FAM81B: variants seen among roughly 807,000 people sequenced by gnomAD.
The protein encoded by FAM81B is protein FAM81B.
In FAM81B, 60 loss-of-function variants were observed where a neutral mutation model predicts 58.7. The observed-to-expected ratio is 1.02, with a 90% CI of 0.83 to 1.27. FAM81B has a LOEUF of 1.27. Ranked by LOEUF, FAM81B falls within the 50% of genes most tolerant of loss-of-function variation. The probability of loss-of-function intolerance (pLI) is 0.00; values close to 1 mark genes in which losing one functional copy is unlikely to be tolerated. For synonymous variants in FAM81B, 189 were observed against 179.6 expected, an observed-to-expected ratio of 1.05 and a Z score of -0.42; for missense variants, 491 against 522.0, an observed-to-expected ratio of 0.94 and a Z score of 0.58.
At chr5:95,391,742 A>G (rs1411701281) in intron 1 of FAM81B, among the ~76,000 whole-genome samples, 1 of 152,254 alleles carries the variant, frequency 6.6e-6, no homozygotes, top group Non-Finnish European at 1.5e-5. Flanking sequence ...CAGCCAAAAC[A>G]TACGAGAAAA....
At position 95,396,093 on chromosome 5, in the gene FAM81B, C is replaced by G; in HGVS notation, c.229-18C>G. 6.3e-7 allele frequency: 1 copy of G among 1,590,166 alleles called. No individual in the cohort carries two copies. Among genetic ancestry groups the G allele is most frequent in the African/African-American group, 1.3e-5 (1 of 74,214 alleles). ...AAGAAGCAGATGATATATTCTGAAT[C>G]TGTAACCTTTGTTTTAGGTAAGATT... On this transcript the variant is annotated intron_variant, in intron 2 of 9. Transcript: ENST00000283357.
rs1264914034 is a variant in FAM81B, at chr5:95,448,346, A to G, written c.1107A>G (p.Lys369=). The change falls in exon 9 of 10, where the codon AAA becomes AAG. Residue 369 remains lysine (K), a synonymous_variant. Coordinates refer to ENST00000283357, the MANE Select transcript of FAM81B (RefSeq NM_152548.3). ...TAGAGAATTTCATTAACACACAGAA[A>G]CAGGAAACACAACTAAGTAAAGTAA... The part of the protein sequence containing the change: ...SKVENFINTQ[K]QETQLSKVKH... 2 of 1,612,408 alleles carry G rather than the reference A, an allele frequency of 1.2e-6. No individual in the cohort carries two copies. Among genetic ancestry groups the G allele is most frequent in the Non-Finnish European group, 1.7e-6 (2 of 1,179,614 alleles).
At chr5:95,412,440 G>T (rs1309996515) in intron 3 of FAM81B, among the ~76,000 whole-genome samples, 1 of 152,076 alleles carries the variant, frequency 6.6e-6, no homozygotes, top group Non-Finnish European at 1.5e-5. Flanking sequence ...AACTTTGCTG[G>T]CTTCTTCAGG....
Position 95,411,565 on chromosome 5 carries a change from A to C in FAM81B, c.294-2382A>C, listed in dbSNP as rs572535184. 3.3e-5 allele frequency among the ~76,000 whole-genome samples: 5 copies of C among 152,326 alleles called. No individual in the cohort carries two copies. The East Asian group carries it at 9.6e-4, about 29-fold the overall frequency. ...AATAAGTCAAGATTCAAAATGTATA[A>C]ATGCATAACACTATGGTAATTTTAT... On this transcript the variant is annotated intron_variant, in intron 3 of 9. Coordinates refer to ENST00000283357, the MANE Select transcript of FAM81B (RefSeq NM_152548.3).
rs763715095 is a variant in FAM81B, at chr5:95,407,408, A to ACACG, written c.294-6538_294-6537insACGC. 4.7e-3 allele frequency among the ~76,000 whole-genome samples: 691 copies of ACACG among 147,388 alleles called. 6 individuals carry two copies. Among genetic ancestry groups the ACACG allele is most frequent in the Admixed American group, 0.011 (165 of 14,828 alleles). On this transcript the variant is annotated intron_variant, in intron 3 of 9. Coordinates refer to ENST00000283357, the MANE Select transcript of FAM81B (RefSeq NM_152548.3). ...TTCTCTTTTACACACACACACACAC[A>ACACG]CGCACACACACACGCGTGCGCGCAC... is the stretch of plus-strand genomic sequence containing the variant.
intron 3 of FAM81B, among the ~76,000 whole-genome samples, chr5:95,399,480 G>GA: frequency 6.7e-6 from 1 of 150,018 alleles, no homozygotes; most frequent in East Asian, 2.0e-4. Context: ...TTCTTTTCAT[G>GA]CCCCCCCCCA....
At chr5:95,399,508 A>G (rs1192728195) in intron 3 of FAM81B, among the ~76,000 whole-genome samples, 1 of 151,026 alleles carries the variant, frequency 6.6e-6, no homozygotes, top group Non-Finnish European at 1.5e-5. Flanking sequence ...GTGATGGGCA[A>G]GGCTCTGCTG....
intron 3 of FAM81B, among the ~76,000 whole-genome samples, chr5:95,404,823 A>C (rs1762203923): frequency 6.6e-6 from 1 of 152,200 alleles, no homozygotes; most frequent in Non-Finnish European, 1.5e-5. Flanking sequence ...AACAGAAACA[A>C]GTAAATAAGA....
chr5:95,436,457 G>C (rs1250530610), intron 6 of FAM81B, among the ~76,000 whole-genome samples: 1 of 152,196 alleles, frequency 6.6e-6, no homozygotes, highest in African/African-American at 2.4e-5. Flanking sequence ...GGAGACAATA[G>C]AGAAGTAGAA....
chr5:95,446,522 A>G lies in FAM81B; in HGVS notation c.894-40A>G, dbSNP rs753124088. 6.7e-7 allele frequency: 1 copy of G among 1,495,990 alleles called. No individual in the cohort carries two copies. Among genetic ancestry groups the G allele is most frequent in the African/African-American group, 1.4e-5 (1 of 69,974 alleles). 92.7% of individuals were successfully genotyped at this position (1,495,990 alleles called of 1,614,324 possible). ...TTCAATACTAATTTTTTATGTTTAA[A>G]TTAACTTATTTAAATGAAACAAAAC... On this transcript the variant is annotated intron_variant, in intron 7 of 9. Coordinates refer to ENST00000283357, the MANE Select transcript of FAM81B (RefSeq NM_152548.3).
At chr5:95,415,811 AAGATCCGCCC>A (rs1463712744) in intron 4 of FAM81B, among the ~76,000 whole-genome samples, 1 of 152,220 alleles carries the variant, frequency 6.6e-6, no homozygotes, top group Non-Finnish European at 1.5e-5. Flanking sequence ...ACATTGAGTC[AAGATCCGCCC>A]AGATGTACAC....
intron 3 of FAM81B, among the ~76,000 whole-genome samples, chr5:95,398,534 T>C (rs980213091): frequency 1.3e-5 from 2 of 152,206 alleles, no homozygotes; most frequent in Non-Finnish European, 2.9e-5. Flanking sequence ...TAAGTAAAAG[T>C]CATTATCAAC....
chr5:95,395,711 T>C (rs1275710458), intron 2 of FAM81B, among the ~76,000 whole-genome samples: 1 of 152,188 alleles, frequency 6.6e-6, no homozygotes, highest in Non-Finnish European at 1.5e-5. Flanking sequence ...AGTTTTCTAG[T>C]TCGGGGCTTT....
chr5:95,440,901 A>G (rs1745313473), intron 7 of FAM81B, among the ~76,000 whole-genome samples: 2 of 152,190 alleles, frequency 1.3e-5, no homozygotes, highest in South Asian at 4.1e-4. Flanking sequence ...CACTCGGGAT[A>G]CCTCTGTGGT....
In FAM81B at chr5:95,407,422, G is replaced by A. The variant is rs1200038071; in HGVS notation, c.294-6525G>A. Among the ~76,000 whole-genome samples, 43 of 142,724 alleles carry A rather than the reference G, an allele frequency of 3.0e-4. 1 individual carries two copies. Among genetic ancestry groups the A allele is most frequent in the African/African-American group, 1.0e-3 (40 of 38,440 alleles). 93.6% of individuals were successfully genotyped at this position (142,724 alleles called of 152,430 possible). On this transcript the variant is annotated intron_variant, in intron 3 of 9. Transcript: ENST00000283357. ...CACACACACACACGCACACACACAC[G>A]CGTGCGCGCACACAAACACACACGC...
intron 3 of FAM81B, among the ~76,000 whole-genome samples, chr5:95,397,446 C>T (rs2548656): frequency 0.37 from 55,958 of 152,046 alleles, 10,443 homozygotes; most frequent in Middle Eastern, 0.44. Flanking sequence ...AACTTGTCCC[C>T]ACCTGACTCT....
intron 3 of FAM81B, among the ~76,000 whole-genome samples, chr5:95,404,256 G>C (rs1762188877): frequency 6.6e-6 from 1 of 152,086 alleles, no homozygotes; most frequent in South Asian, 2.1e-4. Context: ...ATCCAGGGTA[G>C]CACTGACAGC....
chr5:95,413,573 C>T (rs1173109906), intron 3 of FAM81B, among the ~76,000 whole-genome samples: 3 of 152,106 alleles, frequency 2.0e-5, no homozygotes, highest in African/African-American at 4.8e-5. Context: ...AGGACTCACA[C>T]CTTGGAAAAC....
intron 1 of FAM81B, among the ~76,000 whole-genome samples, chr5:95,391,886 C>T (rs1233455389): frequency 5.9e-5 from 9 of 152,102 alleles, no homozygotes; most frequent in African/African-American, 7.2e-5. Flanking sequence ...GAAATAGGAA[C>T]GCTTTTATAC....
Sources: gnomAD v4.1 joint callset for allele counts (sites outside exome capture counted in the v4.1 genomes callset) on GRCh38, gnomAD v4.1.1 for gene constraint, MANE v1.5 for transcripts, NCBI Gene and HGNC (gene_info 2026-07-23, HGNC 2026-07-21) for gene names.